The following CAMK2A variants were observed in gnomAD, a reference collection of about 807,000 sequenced individuals.
CAMK2A encodes the protein calcium/calmodulin dependent protein kinase II alpha.
A neutral mutation model predicts 79.2 loss-of-function variants in CAMK2A; 7 were observed. The ratio of observed to expected loss-of-function variants is 0.09; its 90% CI spans 0.05 to 0.17. The LOEUF is 0.17. Ranked by LOEUF, CAMK2A falls within the 10% of genes least tolerant of loss-of-function variation. CAMK2A has a pLI of 1.00. For missense variants in CAMK2A, 214 were observed against 646.4 expected (o/e 0.33, Z 7.25); for synonymous variants, 242 against 251.7 (o/e 0.96, Z 0.36).
chr5:150,256,579 G>A lies in CAMK2A; in HGVS notation c.405C>T (p.Asp135=), dbSNP rs1756067877. ...CCCACGGTGGGTTGCTCACCTTCAG[G>A]TCCCGGTGCACCACCCCCATCTGGT... is the stretch of plus-strand genomic sequence containing the variant. The part of the protein sequence containing the change: ...HCHQMGVVHR[D]LKPENLLLAS... Residue 135 remains aspartate, a synonymous_variant, in exon 6 of 19, where the codon GAC becomes GAT. Coordinates refer to ENST00000671881, the MANE Select transcript of CAMK2A (RefSeq NM_015981.4). This position sits in a 1 kb window ranked among gnomAD's most constrained non-coding sequence, Gnocchi z 4.6. 1.9e-6 allele frequency: 3 copies of A among 1,613,146 alleles called. No individual in the cohort carries two copies. The highest frequency in any genetic ancestry group is 2.5e-6 in the Non-Finnish European group (3 of 1,179,794).
rs115747447 is a variant in CAMK2A, at chr5:150,273,315, C to T, written c.63-156G>A. On this transcript the variant is annotated intron_variant, in intron 1 of 18. Coordinates refer to ENST00000671881, the MANE Select transcript of CAMK2A (RefSeq NM_015981.4). The stretch of plus-strand genomic sequence containing the variant: ...GCTTCTGTGACCCAACTCAGGGACA[C>T]AGCGAGGCCAGAGAGACCCAGAAGA... Among the ~76,000 whole-genome samples the T allele has an allele frequency of 2.1e-3, 316 of 152,248 alleles. 2 individuals are homozygous for T. The highest frequency in any genetic ancestry group is 6.8e-3 in the African/African-American group (284 of 41,524).
intron 7 of CAMK2A, among the ~76,000 whole-genome samples, chr5:150,252,588 CA>C (rs1254705118): frequency 2.6e-5 from 4 of 152,176 alleles, no homozygotes; most frequent in Non-Finnish European, 4.4e-5. Context: ...CCTCATCTGT[CA>C]AATGAAGGAT....
rs773955173 is a variant in CAMK2A at position 150,238,597 on chromosome 5, GC to G, written c.1066+102del. ...CCAGAGCGAAGCTCTCTGTAGATGA[GC>G]AAGAAATGAGGTTGGCACGTGGGAG... On this transcript the variant is annotated intron_variant, in intron 15 of 18. Transcript: ENST00000671881. 36 of 1,133,752 alleles carry G rather than the reference GC, an allele frequency of 3.2e-5. No homozygotes were observed. The South Asian group carries it at 4.2e-4, about 13-fold the overall frequency. The allele number at this position is 1,133,752 out of a possible 1,614,324, so 70.2% of individuals were successfully genotyped here.
chr5:150,286,679 GATC>G (rs1339202943), intron 1 of CAMK2A, among the ~76,000 whole-genome samples: 1 of 152,316 alleles, frequency 6.6e-6, no homozygotes, highest in South Asian at 2.1e-4. Context: ...AGGGACGGTG[GATC>G]ATCAATTGAA....
intron 1 of CAMK2A, among the ~76,000 whole-genome samples, chr5:150,273,900 A>G (rs535001125): frequency 2.0e-5 from 3 of 152,334 alleles, no homozygotes; most frequent in Non-Finnish European, 4.4e-5. Flanking sequence ...CATTAGAATT[A>G]TATCTCCTAT....
rs769504130 is a variant in CAMK2A at position 150,251,825 on chromosome 5, C to A, written c.618G>T (p.Leu206=). The change falls in exon 9 of 19, where the codon CTG becomes CTT. Residue 206 remains leucine, a synonymous_variant. Transcript: ENST00000671881. ...LWACGVILYI[L]LVGYPPFWDE... is the part of the protein sequence containing the mutation. ...CCCAGAACGGGGGGTACCCAACCAG[C>A]AGGATGTACAGGATGACCCCTGGAA... is the stretch of plus-strand genomic sequence containing the variant. 11 of 1,602,898 alleles carry A rather than the reference C, an allele frequency of 6.9e-6. No homozygotes were observed. The African/African-American group carries it at 1.3e-4, about 20-fold the overall frequency.
chr5:150,220,173 C>G lies in CAMK2A; in HGVS notation c.*2537G>C, dbSNP rs1754236156. On this transcript the variant is annotated 3_prime_UTR_variant, in exon 19 of 19. Transcript: ENST00000671881. ...AAGGCAGGACCTCAGGCTCCTCCAG[C>G]TCAGTTTCCTCTGGCAGGGAAACCA... 2 of 152,522 alleles carry G rather than the reference C, an allele frequency of 1.3e-5. No homozygotes were observed. Among genetic ancestry groups the G allele is most frequent in the Middle Eastern group, 3.4e-3 (1 of 294 alleles). The allele number at this position is 152,522 out of a possible 1,614,324, so 9.4% of individuals were successfully genotyped here.
chr5:150,249,717 T>G (rs1755742417), intron 11 of CAMK2A, among the ~76,000 whole-genome samples: 1 of 152,116 alleles, frequency 6.6e-6, no homozygotes, highest in Non-Finnish European at 1.5e-5. Context: ...CTGGCTAATT[T>G]TTGTATTTTT....
At chr5:150,240,119 G>C (rs1049302925) in intron 13 of CAMK2A, among the ~76,000 whole-genome samples, 1 of 152,180 alleles carries the variant, frequency 6.6e-6, no homozygotes, top group African/African-American at 2.4e-5. Flanking sequence ...GAAGGACAAA[G>C]GGTGCTCAGG....
intron 11 of CAMK2A, among the ~76,000 whole-genome samples, chr5:150,248,839 GA>G (rs1755701063): frequency 6.6e-6 from 1 of 152,034 alleles, no homozygotes; most frequent in South Asian, 2.1e-4. Flanking sequence ...ATAATCTTTT[GA>G]ATCCCAGGAG....
At chr5:150,286,625 C>T (rs80036569) in intron 1 of CAMK2A, among the ~76,000 whole-genome samples, 2,584 of 152,300 alleles carry the variant, frequency 0.017, 49 homozygotes, top group South Asian at 0.052. Flanking sequence ...GGTTCTGGAA[C>T]GGGGGCTTAG....
At chr5:150,277,319 G>A (rs549841657) in intron 1 of CAMK2A, among the ~76,000 whole-genome samples, 1 of 152,320 alleles carries the variant, frequency 6.6e-6, no homozygotes, top group South Asian at 2.1e-4. Context: ...TCTGTCTGTG[G>A]GTGATTCTTT....
chr5:150,224,748 G>C (rs1206276600), intron 17 of CAMK2A, among the ~76,000 whole-genome samples: 3 of 152,134 alleles, frequency 2.0e-5, no homozygotes, highest in Non-Finnish European at 4.4e-5. Context: ...ACAGCATTCA[G>C]GGCTGGAGGC....
At chr5:150,239,002 G>A (rs1171021033) in intron 14 of CAMK2A, among the ~76,000 whole-genome samples, 8 of 152,208 alleles carry the variant, frequency 5.3e-5, no homozygotes, top group Non-Finnish European at 1.5e-5. Context: ...AGGACTGAGG[G>A]GCGTCCTGGG....
intron 4 of CAMK2A, 41 bp downstream of exon 4, chr5:150,257,522 C>G (rs2150285614): frequency 6.6e-7 from 1 of 1,519,990 alleles, no homozygotes; most frequent in Non-Finnish European, 9.0e-7. Flanking sequence ...GTTAGGCAGC[C>G]CCAACACCGT....
chr5:150,250,380 T>C, intron 10 of CAMK2A, 71 bp from the exon 11 acceptor site: 1 of 1,257,278 alleles, frequency 8.0e-7, no homozygotes, highest in Non-Finnish European at 1.2e-6. Context: ...AGGGTACCCT[T>C]CAGCAGGGCA....
At chr5:150,258,216 A>G (rs114998167) in intron 3 of CAMK2A, among the ~76,000 whole-genome samples, 2,355 of 152,158 alleles carry the variant, frequency 0.015, 25 homozygotes, top group Middle Eastern at 0.027. Context: ...TTCACACCCC[A>G]TTTACCCAGA....
At chr5:150,248,763 C>G (rs1429776674) in intron 11 of CAMK2A, among the ~76,000 whole-genome samples, 1 of 152,040 alleles carries the variant, frequency 6.6e-6, no homozygotes, top group Non-Finnish European at 1.5e-5. Context: ...GGTTCCAAGT[C>G]TTTGCTATTG....
chr5:150,272,437 C>T (rs6880251), intron 2 of CAMK2A, among the ~76,000 whole-genome samples: 48,294 of 151,626 alleles, frequency 0.32, 9,453 homozygotes, highest in African/African-American at 0.55. Flanking sequence ...CCGGGCATGG[C>T]GGTGGACGCT....
Sources: gnomAD v4.1 joint callset for allele counts (sites outside exome capture counted in the v4.1 genomes callset) on GRCh38, gnomAD v4.1.1 for gene constraint, Gnocchi (gnomAD v3.1) non-coding constraint, MANE v1.5 for transcripts, NCBI Gene and HGNC (gene_info 2026-07-23, HGNC 2026-07-21) for gene names.